OPCML: variants seen among roughly 807,000 people sequenced by gnomAD.
OPCML encodes the protein opioid binding protein/cell adhesion molecule like.
OPCML carries 13 observed loss-of-function variants against 37.8 expected under a neutral mutation model. The ratio of observed to expected loss-of-function variants is 0.34; its 90% CI spans 0.22 to 0.55. OPCML has a LOEUF of 0.55. OPCML is among the 20% of genes least tolerant of loss of function. The pLI is 0.91. For synonymous variants in OPCML, 176 were observed against 168.8 expected (o/e 1.04, Z -0.33); for missense variants, 341 against 435.6 (o/e 0.78, Z 1.93).
At chr11:133,011,461 CTT>C (rs1162273406) in intron 1 of OPCML, among the ~76,000 whole-genome samples, 1 of 152,120 alleles carries the variant, frequency 6.6e-6, no homozygotes, top group Non-Finnish European at 1.5e-5. Context: ...AGTCAATGAC[CTT>C]TTAGGTTCCC....
At chr11:133,478,312 CCTT>C (rs1947288823) in intron 1 of OPCML, among the ~76,000 whole-genome samples, 1 of 152,204 alleles carries the variant, frequency 6.6e-6, no homozygotes, top group Non-Finnish European at 1.5e-5. Flanking sequence ...AGCACCTCCT[CCTT>C]CTTCCAGTAC....
intron 2 of OPCML, among the ~76,000 whole-genome samples, chr11:132,690,834 C>G (rs1417573911): frequency 1.3e-5 from 2 of 152,112 alleles, no homozygotes; most frequent in East Asian, 3.9e-4. Context: ...GGATTTCGGA[C>G]TATTCTGTAT....
At chr11:133,222,371 G>T (rs1366621970) in intron 1 of OPCML, among the ~76,000 whole-genome samples, 1 of 152,194 alleles carries the variant, frequency 6.6e-6, no homozygotes, top group African/African-American at 2.4e-5. Context: ...CAGAGGTTAT[G>T]GGGGAAAGTC....
intron 1 of OPCML, chr11:133,026,341 C>T (rs1947554498): frequency 2.1e-6 from 2 of 969,648 alleles, no homozygotes; most frequent in Non-Finnish European, 1.2e-6. Flanking sequence ...TTTCCTGAGA[C>T]TTATCCACGC....
chr11:132,998,360 T>TG (rs1009713867), intron 1 of OPCML, among the ~76,000 whole-genome samples: 3 of 152,156 alleles, frequency 2.0e-5, no homozygotes, highest in African/African-American at 2.4e-5. Context: ...TCTTCTCACT[T>TG]GGGGGGAGCC....
chr11:133,251,910 G>A lies in OPCML; in HGVS notation c.61+280354C>T, dbSNP rs573887336. 2.6e-5 allele frequency among the ~76,000 whole-genome samples: 4 copies of A among 152,146 alleles called. No homozygotes were observed. The East Asian group carries it at 5.8e-4, about 22-fold the overall frequency. ...GATATTTCAGGCAGTGCAAAATGCT[G>A]GGGTAGGTGAGTCCCATCCTTTGTC... On this transcript the variant is annotated intron_variant, in intron 1 of 7. Transcript: ENST00000524381.
intron 1 of OPCML, chr11:133,362,201 G>A (rs1763019246): frequency 1.3e-5 from 2 of 152,348 alleles, no homozygotes; most frequent in South Asian, 4.1e-4. Context: ...TTCTAAAAAG[G>A]AGACTCGGGG....
rs941856939 is a variant in OPCML, at chr11:132,770,794, A to G, written c.147-113475T>C. On this transcript the variant is annotated intron_variant, in intron 2 of 7. Transcript: ENST00000524381. ...CAGAAAGAAGCCTGTGGCAAAAATT[A>G]GGGCAAGAAAGAATTGGAGAAGGGG... 5.3e-5 allele frequency among the ~76,000 whole-genome samples: 8 copies of G among 152,178 alleles called. 1 individual carries two copies. The highest frequency in any genetic ancestry group is 3.9e-4 in the Admixed American group (6 of 15,288).
chr11:133,251,652 T>C (rs1166674952), intron 1 of OPCML, among the ~76,000 whole-genome samples: 1 of 152,032 alleles, frequency 6.6e-6, no homozygotes, highest in African/African-American at 2.4e-5. Context: ...GGAAACATGA[T>C]TGCTGAAATC....
At chr11:133,376,456 A>T (rs938764453) in intron 1 of OPCML, among the ~76,000 whole-genome samples, 5 of 152,222 alleles carry the variant, frequency 3.3e-5, no homozygotes, top group Non-Finnish European at 7.3e-5. Flanking sequence ...AAAGATGCCC[A>T]TATACATTAA....
chr11:133,045,173 C>T (rs1229120552), intron 1 of OPCML, among the ~76,000 whole-genome samples: 1 of 152,160 alleles, frequency 6.6e-6, no homozygotes, highest in African/African-American at 2.4e-5. Flanking sequence ...GTTCCCGAAG[C>T]AATTCCTCCA....
intron 4 of OPCML, among the ~76,000 whole-genome samples, chr11:132,483,487 C>T (rs1199717601): frequency 3.3e-5 from 5 of 152,116 alleles, no homozygotes; most frequent in Non-Finnish European, 7.3e-5. Context: ...AATGGCCATA[C>T]TGCCCAAGGT....
intron 1 of OPCML, among the ~76,000 whole-genome samples, chr11:133,494,577 T>C (rs1286344850): frequency 6.9e-6 from 1 of 145,512 alleles, no homozygotes; most frequent in East Asian, 2.0e-4. Context: ...TGTAGGGACA[T>C]GGATGAAGCT....
chr11:133,497,517 C>T (rs6590714), intron 1 of OPCML, among the ~76,000 whole-genome samples: 60,761 of 151,848 alleles, frequency 0.4, 15,709 homozygotes, highest in African/African-American at 0.74. Flanking sequence ...ATTTTAGGAG[C>T]TTTGATTCTT....
intron 6 of OPCML, 72 bp downstream of exon 6, chr11:132,436,587 T>C (rs1384691672): frequency 3.8e-6 from 6 of 1,586,000 alleles, no homozygotes; most frequent in African/African-American, 1.4e-5. Flanking sequence ...TTCTTCATCC[T>C]CATCCTTCTC....
chr11:132,521,879 A>G (rs2096294787), intron 4 of OPCML, among the ~76,000 whole-genome samples: 1 of 152,192 alleles, frequency 6.6e-6, no homozygotes, highest in Non-Finnish European at 1.5e-5. Context: ...GTCTTTGTGT[A>G]TAGTTCGGCA....
At chr11:133,245,221 C>T (rs981691590) in intron 1 of OPCML, among the ~76,000 whole-genome samples, 1 of 152,182 alleles carries the variant, frequency 6.6e-6, no homozygotes, top group Non-Finnish European at 1.5e-5. Context: ...ACCACCTGCA[C>T]TACAGGGGTC....
chr11:132,698,348 A>T (rs1211864872), intron 2 of OPCML, among the ~76,000 whole-genome samples: 1 of 152,070 alleles, frequency 6.6e-6, no homozygotes, highest in Non-Finnish European at 1.5e-5. Flanking sequence ...TAGCTGTGAG[A>T]TTATGTATGT....
intron 2 of OPCML, among the ~76,000 whole-genome samples, chr11:132,793,147 G>C (rs1265507984): frequency 1.3e-5 from 2 of 152,108 alleles, no homozygotes; most frequent in African/African-American, 4.8e-5. Context: ...TGGCAGAAGG[G>C]GGACCGATGG....
Sources: gnomAD v4.1 joint callset for allele counts (sites outside exome capture counted in the v4.1 genomes callset) on GRCh38, gnomAD v4.1.1 for gene constraint, MANE v1.5 for transcripts, NCBI Gene and HGNC (gene_info 2026-07-23, HGNC 2026-07-21) for gene names.